Variants in NBAS observed in about 807,000 individuals in gnomAD.
NBAS encodes the protein NBAS subunit of NRZ tethering complex.
A neutral mutation model predicts 302.5 loss-of-function variants in NBAS; 219 were observed. That is an observed-to-expected ratio of 0.72 (90% CI 0.65 to 0.81). The LOEUF (loss-of-function observed/expected upper bound fraction) is 0.81. Ranked by LOEUF, NBAS falls within the 30% of genes least tolerant of loss-of-function variation. The pLI, the probability that NBAS is intolerant of heterozygous loss-of-function variation, is 0.00. For synonymous variants in NBAS, 1,118 were observed against 1,021.6 expected (o/e 1.09, Z -1.80); for missense variants, 2,932 against 2,841.6 (o/e 1.03, Z -0.72).
chr2:14,826,551 C>T, the NBAS span, among the ~76,000 whole-genome samples: 1 of 152,222 alleles, frequency 6.6e-6, no homozygotes, highest in African/African-American at 2.4e-5. Flanking sequence ...CCAATCTCTC[C>T]TCTTGCATCT....
chr2:14,961,924 T>G, the NBAS span, among the ~76,000 whole-genome samples: 4 of 152,150 alleles, frequency 2.6e-5, no homozygotes, highest in Admixed American at 6.5e-5. Context: ...GGATTACAGG[T>G]GCCCGCCACC....
intron 49 of NBAS, among the ~76,000 whole-genome samples, chr2:15,189,564 C>A: frequency 1.2e-5 from 1 of 83,032 alleles, no homozygotes; most frequent in East Asian, 1.4e-3. Context: ...CTCATGAGAC[C>A]CAGTCCATGA....
At chr2:15,554,364 A>G (rs1036631460) in intron 3 of NBAS, among the ~76,000 whole-genome samples, 1 of 151,950 alleles carries the variant, frequency 6.6e-6, no homozygotes, top group Non-Finnish European at 1.5e-5. Context: ...CAAAGGTATA[A>G]ATGTTATGTA....
At chr2:15,121,778 C>T in the NBAS span, among the ~76,000 whole-genome samples, 2 of 151,780 alleles carry the variant, frequency 1.3e-5, no homozygotes, top group Non-Finnish European at 2.9e-5. Context: ...TGGGACTAAC[C>T]CTACCCACAC....
At chr2:15,266,476 A>G (rs1006716693) in intron 44 of NBAS, among the ~76,000 whole-genome samples, 3 of 152,106 alleles carry the variant, frequency 2.0e-5, no homozygotes, top group African/African-American at 7.2e-5. Context: ...CTCTCCTGCT[A>G]TTGGGAGAAA....
At chr2:15,086,972 C>T in the NBAS span, among the ~76,000 whole-genome samples, 1 of 152,134 alleles carries the variant, frequency 6.6e-6, no homozygotes, top group Non-Finnish European at 1.5e-5. Flanking sequence ...GGCTGATACT[C>T]CCCAACACGC....
the NBAS span, among the ~76,000 whole-genome samples, chr2:15,118,670 G>A: frequency 6.6e-6 from 1 of 152,122 alleles, no homozygotes; most frequent in Non-Finnish European, 1.5e-5. Context: ...GTGGCCACGG[G>A]AGATTACACA....
chr2:15,426,684 T>C (rs1463410331), intron 22 of NBAS, among the ~76,000 whole-genome samples: 3 of 152,228 alleles, frequency 2.0e-5, no homozygotes, highest in Non-Finnish European at 1.5e-5. Flanking sequence ...GTAATATTAA[T>C]GATAATTTTT....
the NBAS span, among the ~76,000 whole-genome samples, chr2:14,984,324 T>C: frequency 3.9e-5 from 6 of 152,162 alleles, no homozygotes; most frequent in African/African-American, 1.4e-4. Flanking sequence ...CAATTCTCTA[T>C]GACTCCCATG....
At chr2:14,895,684 G>A in the NBAS span, among the ~76,000 whole-genome samples, 2 of 150,918 alleles carry the variant, frequency 1.3e-5, no homozygotes, top group Non-Finnish European at 2.9e-5. Context: ...AGCTTGCAGT[G>A]AGCTGAGATC....
intron 35 of NBAS, among the ~76,000 whole-genome samples, chr2:15,345,003 T>C (rs1312553587): frequency 6.6e-6 from 1 of 152,076 alleles, no homozygotes; most frequent in African/African-American, 2.4e-5. Context: ...TAATGGAACA[T>C]ATCTCAAAAT....
intron 21 of NBAS, among the ~76,000 whole-genome samples, chr2:15,440,956 A>T (rs1166018946): frequency 2.0e-5 from 3 of 152,126 alleles, no homozygotes; most frequent in Admixed American, 1.3e-4. Flanking sequence ...AGTTTAGAGA[A>T]AAAAGAATAA....
At chr2:15,304,919 G>A (rs1482672117) in intron 40 of NBAS, among the ~76,000 whole-genome samples, 1 of 152,190 alleles carries the variant, frequency 6.6e-6, no homozygotes, top group Non-Finnish European at 1.5e-5. Flanking sequence ...AGCACAGTTA[G>A]TTCTAGGAAG....
chr2:15,369,902 A>G (rs1453262709), intron 31 of NBAS, among the ~76,000 whole-genome samples: 3 of 152,242 alleles, frequency 2.0e-5, no homozygotes, highest in Admixed American at 2.0e-4. Flanking sequence ...AATGCCCCTC[A>G]AAAGATAGCT....
At chr2:15,150,771 T>G in the NBAS span, among the ~76,000 whole-genome samples, 1 of 152,236 alleles carries the variant, frequency 6.6e-6, no homozygotes, top group African/African-American at 2.4e-5. Context: ...CCTAAATCCT[T>G]ACATGATCTT....
chr2:14,889,586 T>A, the NBAS span, among the ~76,000 whole-genome samples: 1 of 152,334 alleles, frequency 6.6e-6, no homozygotes, highest in East Asian at 1.9e-4. Context: ...TCCACATTCC[T>A]ACCATACAGG....
intron 40 of NBAS, among the ~76,000 whole-genome samples, chr2:15,306,119 C>T (rs775485087): frequency 7.2e-5 from 11 of 152,196 alleles, no homozygotes; most frequent in African/African-American, 2.2e-4. Flanking sequence ...GAGTAAAATA[C>T]ATTTGCCAAA....
the NBAS span, among the ~76,000 whole-genome samples, chr2:14,823,962 C>G: frequency 0.56 from 85,875 of 152,130 alleles, 26,407 homozygotes; most frequent in African/African-American, 0.83. Context: ...CTGATACTTT[C>G]CCCAACCTGC....
chr2:14,897,113 G>A, the NBAS span, among the ~76,000 whole-genome samples: 1 of 151,592 alleles, frequency 6.6e-6, no homozygotes, highest in Non-Finnish European at 1.5e-5. Flanking sequence ...AAGGCCTCCA[G>A]GAAGAAGGAA....
Sources: allele counts gnomAD v4.1 joint callset (sites outside exome capture counted in the v4.1 genomes callset), GRCh38; gene constraint gnomAD v4.1.1; transcripts MANE v1.5; gene names NCBI Gene and HGNC (gene_info 2026-07-23, HGNC 2026-07-21).